Variants in PPP1R9A observed in about 807,000 individuals in gnomAD.
PPP1R9A encodes protein phosphatase 1 regulatory subunit 9A.
Under a neutral mutation model 141.9 loss-of-function variants are expected in PPP1R9A, and 59 were observed. The ratio of observed to expected loss-of-function variants is 0.42; its 90% confidence interval spans 0.34 to 0.52. PPP1R9A has a LOEUF of 0.52. PPP1R9A is among the 20% of genes least tolerant of loss of function. The pLI, the probability that PPP1R9A is intolerant of heterozygous loss-of-function variation, is 0.10. For synonymous variants in PPP1R9A, 500 were observed against 569.7 expected (o/e 0.88, Z 1.74); for missense variants, 1,444 against 1,611.9 (o/e 0.90, Z 1.78).
At chr7:95,146,922 A>G (rs1275966147) in intron 4 of PPP1R9A, among the ~76,000 whole-genome samples, 2 of 152,214 alleles carry the variant, frequency 1.3e-5, no homozygotes, top group Non-Finnish European at 2.9e-5. Flanking sequence ...ATTTGAAGTC[A>G]GGTAACATGA....
intron 5 of PPP1R9A, among the ~76,000 whole-genome samples, chr7:95,173,767 G>A (rs912718911): frequency 6.6e-6 from 1 of 151,990 alleles, no homozygotes; most frequent in African/African-American, 2.4e-5. Flanking sequence ...AACATGAAAT[G>A]CTGCTTAACA....
intron 2 of PPP1R9A, among the ~76,000 whole-genome samples, chr7:94,964,348 T>C (rs1294205044): frequency 1.3e-5 from 2 of 152,172 alleles, no homozygotes; most frequent in South Asian, 4.1e-4. Flanking sequence ...TTTTACTTTT[T>C]TAAATTTATA....
chr7:95,086,639 C>T (rs930723406), intron 2 of PPP1R9A, among the ~76,000 whole-genome samples: 2 of 151,962 alleles, frequency 1.3e-5, no homozygotes, highest in Non-Finnish European at 2.9e-5. Context: ...TTAAAACCTA[C>T]TCCTAGTTTT....
chr7:95,278,002 T>C (rs1803512734), intron 16 of PPP1R9A, among the ~76,000 whole-genome samples: 3 of 152,110 alleles, frequency 2.0e-5, no homozygotes, highest in Admixed American at 1.3e-4. Flanking sequence ...GATAGTATGT[T>C]GAGAAAATGA....
intron 4 of PPP1R9A, among the ~76,000 whole-genome samples, chr7:95,128,274 G>A (rs1047633603): frequency 6.6e-5 from 10 of 152,288 alleles, no homozygotes; most frequent in Middle Eastern, 3.4e-3. Flanking sequence ...GTGATATGGA[G>A]CATTTTTTAA....
chr7:95,032,668 G>C (rs1807853672), intron 2 of PPP1R9A, among the ~76,000 whole-genome samples: 1 of 152,090 alleles, frequency 6.6e-6, no homozygotes, highest in Admixed American at 6.6e-5. Flanking sequence ...TTTTTCAGGA[G>C]AATCTTTATT....
At chr7:95,216,412 TTTC>T (rs1235101257) in intron 7 of PPP1R9A, among the ~76,000 whole-genome samples, 1 of 152,178 alleles carries the variant, frequency 6.6e-6, no homozygotes, top group African/African-American at 2.4e-5. Context: ...TGCCTCCAGC[TTTC>T]TTCTTTTGGC....
chr7:95,044,745 T>A (rs1026018524), intron 2 of PPP1R9A, among the ~76,000 whole-genome samples: 22 of 148,032 alleles, frequency 1.5e-4, no homozygotes, highest in South Asian at 8.5e-4. Context: ...ATATATATAT[T>A]TTTTTGTAGA....
At chr7:95,033,390 T>C (rs1454401566) in intron 2 of PPP1R9A, among the ~76,000 whole-genome samples, 1 of 152,036 alleles carries the variant, frequency 6.6e-6, no homozygotes, top group Non-Finnish European at 1.5e-5. Context: ...TCTTATCAGT[T>C]TGTACAATTT....
At chr7:94,943,971 C>G (rs976630171) in intron 2 of PPP1R9A, among the ~76,000 whole-genome samples, 2 of 152,064 alleles carry the variant, frequency 1.3e-5, no homozygotes, top group African/African-American at 4.8e-5. Flanking sequence ...GTACTTACCT[C>G]ATGCTATCTG....
chr7:95,071,390 A>G (rs1813792848), intron 2 of PPP1R9A, among the ~76,000 whole-genome samples: 1 of 151,980 alleles, frequency 6.6e-6, no homozygotes. Flanking sequence ...CTATTTCGGG[A>G]GTTCCTTGCA....
intron 19 of PPP1R9A, 140 bp downstream of exon 19, chr7:95,288,858 T>C (rs578174669): frequency 1.7e-6 from 2 of 1,164,744 alleles, no homozygotes; most frequent in East Asian, 5.2e-5. Context: ...GGATGTTGAA[T>C]TCTTTCTGAG....
intron 2 of PPP1R9A, among the ~76,000 whole-genome samples, chr7:95,022,225 T>C (rs570046426): frequency 1.3e-5 from 2 of 152,264 alleles, no homozygotes; most frequent in African/African-American, 2.4e-5. Flanking sequence ...TTTATTCTCT[T>C]TGTAGCAATT....
chr7:95,235,438 A>G (rs1177029112), intron 8 of PPP1R9A, among the ~76,000 whole-genome samples: 1 of 152,208 alleles, frequency 6.6e-6, no homozygotes, highest in Non-Finnish European at 1.5e-5. Flanking sequence ...ATCACTAATT[A>G]TCAGGGAAAT....
At position 95,296,009 on chromosome 7, in the gene PPP1R9A, T is replaced by C. The variant is rs1429388621; in HGVS notation, c.*5706T>C. ...ATTCTATTCCACTGTAAGAAGTTGA[T>C]TTCTTTTCAGCTTTCTTTGTATATC... On this transcript the variant is annotated 3_prime_UTR_variant, in exon 20 of 20. Coordinates refer to ENST00000433360, the MANE Select transcript of PPP1R9A (RefSeq NM_001166160.2). 2 of 152,688 alleles carry C rather than the reference T, an allele frequency of 1.3e-5. No homozygotes were observed. The highest frequency in any genetic ancestry group is 3.8e-4 in the East Asian group (2 of 5,200). 9.5% of individuals were successfully genotyped at this position (152,688 alleles called of 1,614,324 possible). A position where few individuals can be genotyped will look rare whatever the true frequency, so the allele number is the denominator to read the frequency against.
At chr7:95,286,458 A>G in intron 18 of PPP1R9A, 133 bp downstream of exon 18, 1 of 1,384,562 alleles carries the variant, frequency 7.2e-7, no homozygotes, top group Non-Finnish European at 9.5e-7. Flanking sequence ...TTTAATTTGA[A>G]GTCTTCATGA....
At chr7:94,963,379 C>T (rs34751086) in intron 2 of PPP1R9A, among the ~76,000 whole-genome samples, 14,358 of 152,076 alleles carry the variant, frequency 0.094, 995 homozygotes, top group South Asian at 0.27. Flanking sequence ...ATATAATTCA[C>T]ATACCATAAA....
chr7:94,947,938 T>A (rs1261906621), intron 2 of PPP1R9A, among the ~76,000 whole-genome samples: 1 of 152,048 alleles, frequency 6.6e-6, no homozygotes, highest in Non-Finnish European at 1.5e-5. Context: ...TGGCTGGGGT[T>A]TGGGGAGGCC....
chr7:95,256,772 G>T (rs1425258526), intron 12 of PPP1R9A, among the ~76,000 whole-genome samples: 1 of 151,926 alleles, frequency 6.6e-6, no homozygotes, highest in South Asian at 2.1e-4. Flanking sequence ...GAATTAACAG[G>T]GTAGATGGAT....
Sources: allele counts gnomAD v4.1 joint callset (sites outside exome capture counted in the v4.1 genomes callset), GRCh38; gene constraint gnomAD v4.1.1; transcripts MANE v1.5; gene names NCBI Gene and HGNC (gene_info 2026-07-23, HGNC 2026-07-21).